The following NLGN4X variants were observed in gnomAD, a reference collection of about 807,000 sequenced individuals.
NLGN4X encodes neuroligin-4, X-linked.
NLGN4X carries 3 observed loss-of-function variants against 40.3 expected under a neutral mutation model. That is an observed-to-expected ratio of 0.07 (90% CI 0.03 to 0.19). The LOEUF (loss-of-function observed/expected upper bound fraction) is 0.19. Ranked by LOEUF, NLGN4X falls within the 10% of genes least tolerant of loss-of-function variation. NLGN4X has a pLI of 1.00. For missense variants in NLGN4X, 382 were observed against 708.3 expected (o/e 0.54, Z 5.23); for synonymous variants, 270 against 306.8 (o/e 0.88, Z 1.25).
intron 2 of NLGN4X, among the ~76,000 whole-genome samples, chrX:6,055,380 A>G (rs1453830537): frequency 2.7e-5 from 3 of 111,980 alleles, no homozygotes; most frequent in Non-Finnish European, 5.6e-5. Flanking sequence ...CTGTAGTCCT[A>G]TTTACTCAGG....
rs1187967054 is a variant in NLGN4X, at chrX:5,892,995, G to A, written c.2273C>T (p.Pro758Leu). Reference protein sequence around the residue: ...AHDTLRLTCPPDYTLTLRRSP... With the variant: ...AHDTLRLTCPLDYTLTLRRSP... Reference sequence around the variant, plus strand: ...CCGGCGCAGCGTGAGGGTGTAGTCTGGCGGGCAGGTGAGCCTCAGTGTGTC... The same window carrying A: ...CCGGCGCAGCGTGAGGGTGTAGTCTAGCGGGCAGGTGAGCCTCAGTGTGTC... Residue 758 changes from proline to leucine, a missense_variant, in exon 6 of 6, where the codon CCA (proline) becomes CTA (leucine). This residue lies in a region of NLGN4X where 57 missense variants were observed against 65.6 expected (regional missense o/e 0.87). Coordinates refer to ENST00000381095, the MANE Select transcript of NLGN4X (RefSeq NM_181332.3). 1 of 1,211,477 alleles carries A rather than the reference G, an allele frequency of 8.3e-7. No homozygotes were observed. Among genetic ancestry groups the A allele is most frequent in the Non-Finnish European group, 1.1e-6 (1 of 895,455 alleles).
chrX:5,954,197 C>T (rs2034408142), intron 3 of NLGN4X, among the ~76,000 whole-genome samples: 1 of 109,744 alleles, frequency 9.1e-6, no homozygotes, highest in Non-Finnish European at 1.9e-5. Context: ...GGGGACTAGG[C>T]AAGGCTGGAG....
At chrX:6,169,077 T>A (rs761262419) in intron 1 of NLGN4X, among the ~76,000 whole-genome samples, 1 of 111,478 alleles carries the variant, frequency 9.0e-6, no homozygotes, top group Non-Finnish European at 1.9e-5. Context: ...CTATTCCAGG[T>A]CAGAGGGAGG....
chrX:6,034,777 C>T (rs187429346), intron 2 of NLGN4X, among the ~76,000 whole-genome samples: 1 of 109,016 alleles, frequency 9.2e-6, no homozygotes, highest in Non-Finnish European at 1.9e-5. Context: ...GGTACGATCT[C>T]GGCTCACGAC....
intron 3 of NLGN4X, among the ~76,000 whole-genome samples, chrX:5,990,109 T>A (rs1016551814): frequency 9.3e-6 from 1 of 107,981 alleles, no homozygotes; most frequent in Non-Finnish European, 1.9e-5. Flanking sequence ...TCTCTCTCTC[T>A]CTCTCTGCTA....
intron 2 of NLGN4X, among the ~76,000 whole-genome samples, chrX:6,063,321 A>C (rs1465649063): frequency 9.0e-6 from 1 of 111,699 alleles, no homozygotes. Flanking sequence ...CAAAAAGAAA[A>C]ACATACAGAA....
chrX:5,908,289 A>G (rs763684492), intron 4 of NLGN4X, among the ~76,000 whole-genome samples: 13 of 110,589 alleles, frequency 1.2e-4, no homozygotes, highest in South Asian at 3.9e-4. Flanking sequence ...CCCAGAATCT[A>G]CTTCTAAATG....
At chrX:5,926,931 A>ATAT (rs2033347604) in intron 3 of NLGN4X, among the ~76,000 whole-genome samples, 1 of 74,216 alleles carries the variant, frequency 1.3e-5, no homozygotes, top group African/African-American at 5.3e-5. Flanking sequence ...ATATCTCTAT[A>ATAT]TCTTCTATCT....
intron 2 of NLGN4X, among the ~76,000 whole-genome samples, chrX:6,063,032 T>G (rs1163855039): frequency 9.0e-6 from 1 of 111,069 alleles, no homozygotes; most frequent in Non-Finnish European, 1.9e-5. Context: ...GCTTTTTCCC[T>G]TAGCTATTTC....
intron 3 of NLGN4X, among the ~76,000 whole-genome samples, chrX:6,019,807 T>G (rs6638588): frequency 0.34 from 38,118 of 110,843 alleles, 5,413 homozygotes; most frequent in East Asian, 0.77. Flanking sequence ...TCTTTTAGAA[T>G]TAATAATCTT....
chrX:6,160,112 T>C (rs2040353019), intron 1 of NLGN4X, among the ~76,000 whole-genome samples: 1 of 111,166 alleles, frequency 9.0e-6, no homozygotes, highest in African/African-American at 3.3e-5. Flanking sequence ...GCAGTCAACA[T>C]TAATTTACTG....
intron 3 of NLGN4X, among the ~76,000 whole-genome samples, chrX:5,989,330 C>T (rs2035618734): frequency 9.0e-6 from 1 of 111,494 alleles, no homozygotes; most frequent in South Asian, 3.7e-4. Flanking sequence ...AAAGAAGTTT[C>T]CAGCAGTCTT....
intron 2 of NLGN4X, among the ~76,000 whole-genome samples, chrX:6,054,142 T>C (rs1056917593): frequency 1.8e-5 from 2 of 112,168 alleles, no homozygotes; most frequent in African/African-American, 6.5e-5. Flanking sequence ...CAACTTTTTT[T>C]TTATTTATTT....
intron 2 of NLGN4X, among the ~76,000 whole-genome samples, chrX:6,113,073 G>C (rs891355106): frequency 9.0e-6 from 1 of 110,525 alleles, no homozygotes; most frequent in Non-Finnish European, 1.9e-5. Context: ...GGTCATGAAA[G>C]ACAAAAGAAG....
intron 3 of NLGN4X, among the ~76,000 whole-genome samples, chrX:5,984,086 G>C (rs926832414): frequency 9.0e-6 from 1 of 111,068 alleles, no homozygotes; most frequent in Non-Finnish European, 1.9e-5. Context: ...AAAAGAGAAA[G>C]AAACAAAAGG....
chrX:5,989,165 T>A (rs1031597542), intron 3 of NLGN4X, among the ~76,000 whole-genome samples: 2 of 111,943 alleles, frequency 1.8e-5, no homozygotes, highest in African/African-American at 6.5e-5. Context: ...GTCTTTGAAT[T>A]AAAATTGTGT....
intron 2 of NLGN4X, among the ~76,000 whole-genome samples, chrX:6,102,594 C>T (rs2038935074): frequency 9.1e-6 from 1 of 109,465 alleles, no homozygotes; most frequent in South Asian, 3.9e-4. Context: ...ATAACAAAAA[C>T]CTGTAAGTAA....
intron 2 of NLGN4X, among the ~76,000 whole-genome samples, chrX:6,090,136 T>A (rs1602210118): frequency 1.8e-5 from 2 of 111,744 alleles, no homozygotes; most frequent in Admixed American, 1.9e-4. Flanking sequence ...AGTACGCTAC[T>A]AATGTCTTTT....
At chrX:5,914,246 C>A (rs979151726) in intron 3 of NLGN4X, among the ~76,000 whole-genome samples, 1 of 111,907 alleles carries the variant, frequency 8.9e-6, no homozygotes, top group East Asian at 2.8e-4. Flanking sequence ...ATTGTTGTCA[C>A]AACAGAAAAG....
Sources: gnomAD v4.1 joint callset for allele counts (sites outside exome capture counted in the v4.1 genomes callset) on GRCh38, gnomAD v4.1.1 for gene constraint, gnomAD v4.1.1 regional missense constraint, MANE v1.5 for transcripts, NCBI Gene and HGNC (gene_info 2026-07-23, HGNC 2026-07-21) for gene names.